The following SUCO variants were observed in gnomAD, a reference collection of about 807,000 sequenced individuals.
SUCO encodes the protein SUN domain-containing ossification factor.
Under a neutral mutation model 148.1 loss-of-function variants are expected in SUCO, and 57 were observed. The ratio of observed to expected loss-of-function variants is 0.38; its 90% CI spans 0.31 to 0.48. The LOEUF (loss-of-function observed/expected upper bound fraction) is 0.48. Among genes scored for constraint, SUCO ranks in the 20% least tolerant of loss-of-function variants. The probability of loss-of-function intolerance (pLI) is 0.96; values close to 1 mark genes in which losing one functional copy is unlikely to be tolerated. For missense variants in SUCO, 1,331 were observed against 1,468.2 expected (o/e 0.91, Z 1.53); for synonymous variants, 470 against 502.7 (o/e 0.93, Z 0.87).
At chr1:172,579,119 G>T in intron 14 of SUCO, 83 bp from the exon 15 acceptor site, 1 of 737,952 alleles carries the variant, frequency 1.4e-6, no homozygotes, top group Non-Finnish European at 2.4e-6. Context: ...AGCTGACTTT[G>T]ACAGGACATA....
intron 2 of SUCO, chr1:172,552,274 G>A (rs1293269629): frequency 6.6e-6 from 1 of 151,930 alleles, no homozygotes; most frequent in Non-Finnish European, 1.5e-5. Context: ...TGTGGGTATA[G>A]ATAACACCTT....
chr1:172,550,649 T>C (rs1653222739), intron 1 of SUCO, among the ~76,000 whole-genome samples: 1 of 152,022 alleles, frequency 6.6e-6, no homozygotes, highest in African/African-American at 2.4e-5. Flanking sequence ...TCTTGTCTTA[T>C]TTCAGATCTA....
chr1:172,608,241 G>C (rs1657984593), intron 22 of SUCO: 1 of 267,670 alleles, frequency 3.7e-6, no homozygotes, highest in South Asian at 1.4e-4. Flanking sequence ...AATAAACAGA[G>C]AAAAATATCT....
intron 1 of SUCO, among the ~76,000 whole-genome samples, chr1:172,542,108 G>A (rs544782338): frequency 3.5e-4 from 53 of 152,266 alleles, no homozygotes; most frequent in African/African-American, 1.0e-3. Flanking sequence ...TGCCAGGCAC[G>A]GTGGCTTATG....
chr1:172,584,145 T>G (rs1233477623), intron 15 of SUCO, among the ~76,000 whole-genome samples: 8 of 152,226 alleles, frequency 5.3e-5, no homozygotes, highest in Admixed American at 2.0e-4. Context: ...GAGATTTGAT[T>G]CTATGCAATA....
intron 1 of SUCO, chr1:172,544,206 GT>G: frequency 2.4e-6 from 2 of 847,048 alleles, no homozygotes; most frequent in Non-Finnish European, 2.8e-6. Context: ...TTGAATTTAT[GT>G]TTAAGAAGCA....
chr1:172,596,999 C>A (rs1657152739), intron 19 of SUCO, among the ~76,000 whole-genome samples: 2 of 152,382 alleles, frequency 1.3e-5, no homozygotes, highest in South Asian at 4.1e-4. Context: ...AGATGCCCCT[C>A]CCCTAGCCTC....
upstream of SUCO, chr1:172,532,581 AC>A: frequency 6.2e-6 from 10 of 1,613,950 alleles, no homozygotes; most frequent in Non-Finnish European, 8.5e-6. Flanking sequence ...CTCACAACAC[AC>A]ACGTCATTCT....
At chr1:172,557,093 ATATTTGG>A in intron 4 of SUCO, 180 bp from the exon 5 acceptor site, 2 of 980,452 alleles carry the variant, frequency 2.0e-6, no homozygotes, top group Non-Finnish European at 2.4e-6. Flanking sequence ...TATTAACCTC[ATATTTGG>A]TAAGTAGTTA....
chr1:172,601,922 C>A, intron 20 of SUCO, 142 bp from the exon 21 acceptor site: 1 of 760,298 alleles, frequency 1.3e-6, no homozygotes, highest in Non-Finnish European at 1.9e-6. Context: ...AGTTTATTTT[C>A]AAAGAGCATG....
rs71637445 is a variant in SUCO, at chr1:172,549,623, A to G, written c.63-1889A>G. On this transcript the variant is annotated intron_variant, in intron 1 of 23. Transcript: ENST00000263688. ...TGAAATTTCCCTTGGCACAATAAAG[A>G]ATGTTTTCTGCTTTCTTAATGAAAT... 4.4e-3 allele frequency among the ~76,000 whole-genome samples: 668 copies of G among 152,050 alleles called. 8 individuals are homozygous for G. The highest frequency in any genetic ancestry group is 8.2e-3 in the Non-Finnish European group (559 of 67,822).
intron 1 of SUCO, among the ~76,000 whole-genome samples, chr1:172,534,384 AT>A (rs1651859580): frequency 1.3e-5 from 2 of 151,884 alleles, no homozygotes; most frequent in Non-Finnish European, 2.9e-5. Context: ...AGTCTAGGCG[AT>A]TTGCTGTTTG....
chr1:172,544,204 A>G, intron 1 of SUCO: 1 of 857,820 alleles, frequency 1.2e-6, no homozygotes, highest in Non-Finnish European at 1.4e-6. Flanking sequence ...CTTTGAATTT[A>G]TGTTTAAGAA....
chr1:172,590,839 A>G, intron 18 of SUCO, 145 bp from the exon 19 acceptor site: 1 of 547,094 alleles, frequency 1.8e-6, no homozygotes, highest in Non-Finnish European at 3.2e-6. Flanking sequence ...CAGAAGATAA[A>G]TAGAATTGTA....
chr1:172,534,041 C>A (rs1651830962), intron 1 of SUCO, among the ~76,000 whole-genome samples: 1 of 151,830 alleles, frequency 6.6e-6, no homozygotes, highest in Admixed American at 6.6e-5. Context: ...ACTTGGGGGG[C>A]GTGTGTGTAT....
At chr1:172,542,031 C>T (rs12025433) in intron 1 of SUCO, 43,762 of 165,512 alleles carry the variant, frequency 0.26, 6,131 homozygotes, top group South Asian at 0.37. Context: ...AATGGAATAT[C>T]CAAGTGGAGA....
intron 9 of SUCO, among the ~76,000 whole-genome samples, chr1:172,573,227 C>T (rs1571235793): frequency 6.6e-6 from 1 of 152,260 alleles, no homozygotes; most frequent in East Asian, 1.9e-4. Flanking sequence ...AAACTCTCTT[C>T]CCCCACAGCA....
chr1:172,602,175 A>G lies in SUCO; in HGVS notation c.3130A>G (p.Ile1044Val). 6.2e-7 allele frequency: 1 copy of G among 1,613,626 alleles called. No individual in the cohort carries two copies. The highest frequency in any genetic ancestry group is 8.5e-7 in the Non-Finnish European group (1 of 1,179,778). The change falls in exon 21 of 24, where the codon ATT becomes GTT. Residue 1044 changes from isoleucine (I) to valine (V), a missense_variant. Ile to Val is a conservative substitution (Grantham distance 29). Around this residue, in one of 3 missense-constraint regions of SUCO, gnomAD observed 334 missense variants for 352.3 expected, o/e 0.95. Transcript: ENST00000263688. ...RNTSQFDGDY[I>V]SKLPKSNQYP... Reference sequence around the variant, plus strand: ...TACTTCTCAATTTGATGGAGATTATATTTCAAAACTTCCTAAAAGTAATCA... The same window carrying G: ...TACTTCTCAATTTGATGGAGATTATGTTTCAAAACTTCCTAAAAGTAATCA...
At chr1:172,609,514 A>G in intron 23 of SUCO, 1 of 954,534 alleles carries the variant, frequency 1.0e-6, no homozygotes. Context: ...TAATACATGA[A>G]AGCAACCTGT....
Sources: allele counts gnomAD v4.1 joint callset (sites outside exome capture counted in the v4.1 genomes callset), GRCh38; gene constraint gnomAD v4.1.1; regional missense constraint gnomAD v4.1.1; transcripts MANE v1.5; gene names NCBI Gene and HGNC (gene_info 2026-07-23, HGNC 2026-07-21).